The following CRACD variants were observed in gnomAD, a reference collection of about 807,000 sequenced individuals.
CRACD encodes the protein capping protein inhibiting regulator of actin dynamics.
CRACD carries 56 observed loss-of-function variants against 106.8 expected under a neutral mutation model. The ratio of observed to expected loss-of-function variants is 0.52; its 90% CI spans 0.42 to 0.66. The LOEUF is 0.66. Among genes scored for constraint, CRACD ranks in the 30% least tolerant of loss-of-function variants. The pLI is 0.00. For missense variants in CRACD, 1,730 were observed against 1,623.2 expected, an observed-to-expected ratio of 1.07 and a Z score of -1.13; for synonymous variants, 754 against 670.8, an observed-to-expected ratio of 1.12 and a Z score of -1.92.
chr4:56,100,233 A>G (rs1033892077), intron 1 of CRACD, among the ~76,000 whole-genome samples: 2 of 151,656 alleles, frequency 1.3e-5, no homozygotes, highest in Non-Finnish European at 2.9e-5. Context: ...ACAGAGCAAG[A>G]CTCCATCTTG....
chr4:56,103,836 A>C (rs982380362), intron 1 of CRACD, among the ~76,000 whole-genome samples: 5 of 152,212 alleles, frequency 3.3e-5, no homozygotes, highest in African/African-American at 1.2e-4. Flanking sequence ...GCTGGAGTGC[A>C]ATGGCACAAT....
intron 2 of CRACD, among the ~76,000 whole-genome samples, chr4:56,181,394 C>T (rs1489387189): frequency 6.6e-6 from 1 of 152,154 alleles, no homozygotes; most frequent in African/African-American, 2.4e-5. Context: ...GGTTGATCCA[C>T]AGGAAATGAT....
intron 1 of CRACD, among the ~76,000 whole-genome samples, chr4:56,167,813 A>G (rs1736207163): frequency 6.6e-6 from 1 of 152,218 alleles, no homozygotes; most frequent in Non-Finnish European, 1.5e-5. Context: ...CAGTAATATT[A>G]TTCAGCCTTA....
intron 2 of CRACD, among the ~76,000 whole-genome samples, chr4:56,223,283 GT>G (rs1739143530): frequency 1.3e-5 from 2 of 151,242 alleles, no homozygotes; most frequent in Non-Finnish European, 2.9e-5. Context: ...CACAGTCTGG[GT>G]TTTGCTAGTT....
chr4:56,147,575 G>C (rs542184240), intron 1 of CRACD, among the ~76,000 whole-genome samples: 5 of 152,264 alleles, frequency 3.3e-5, no homozygotes, highest in Non-Finnish European at 7.4e-5. Flanking sequence ...TGTTTTCAAG[G>C]TTTATCAGTG....
Position 56,184,581 on chromosome 4 carries a change from C to T in CRACD, c.-189+5151C>T, listed in dbSNP as rs117125855. ...CCTTTTGGTTATCTAGCTGGCACTT[C>T]GTAGCTGCAGATAAATAGTTGCTGC... On this transcript the variant is annotated intron_variant, in intron 2 of 10. Coordinates refer to ENST00000682029, the MANE Select transcript of CRACD (RefSeq NM_001393381.1). 1.1e-4 allele frequency among the ~76,000 whole-genome samples: 17 copies of T among 152,304 alleles called. No individual in the cohort carries two copies. The East Asian group carries it at 2.5e-3, about 22-fold the overall frequency.
chr4:56,314,801 G>A lies in CRACD; in HGVS notation c.1299G>A (p.Gln433=), dbSNP rs1272676233. 6.2e-7 allele frequency: 1 copy of A among 1,604,380 alleles called. No homozygotes were observed. The highest frequency in any genetic ancestry group is 1.1e-5 in the South Asian group (1 of 88,806). ...LNDFEERLED[Q]ERLKPEGQRE... ...ACTTTGAGGAGAGGCTCGAAGACCA[G>A]GAACGCCTGAAACCCGAAGGACAAA... Residue 433 remains glutamine, a synonymous_variant, in exon 8 of 11, where the codon CAG becomes CAA. Coordinates refer to ENST00000682029, the MANE Select transcript of CRACD (RefSeq NM_001393381.1). This position sits in a 1 kb window ranked among gnomAD's most constrained non-coding sequence, Gnocchi z 4.4.
At chr4:56,076,520 C>T (rs533649648) in intron 1 of CRACD, among the ~76,000 whole-genome samples, 2 of 152,298 alleles carry the variant, frequency 1.3e-5, no homozygotes. Context: ...ATTTACCCTT[C>T]CACATCAACA....
At chr4:56,141,507 G>GA (rs1321532880) in intron 1 of CRACD, among the ~76,000 whole-genome samples, 4 of 151,818 alleles carry the variant, frequency 2.6e-5, no homozygotes, top group African/African-American at 9.7e-5. Context: ...TGAAGTAGGA[G>GA]AATCACTTGA....
At chr4:56,212,558 A>G (rs1489143318) in intron 2 of CRACD, among the ~76,000 whole-genome samples, 2 of 152,180 alleles carry the variant, frequency 1.3e-5, no homozygotes. Flanking sequence ...TTCCAGTAAC[A>G]CTTCCACATG....
chr4:56,320,157 A>AG (rs397704250), intron 8 of CRACD, among the ~76,000 whole-genome samples: 1 of 151,714 alleles, frequency 6.6e-6, no homozygotes, highest in African/African-American at 2.4e-5. Context: ...AAAAAAAAAA[A>AG]CAAACCTTTC....
At chr4:56,318,889 A>G (rs1473883732) in intron 8 of CRACD, among the ~76,000 whole-genome samples, 4 of 152,204 alleles carry the variant, frequency 2.6e-5, no homozygotes, top group African/African-American at 9.6e-5. Flanking sequence ...ACTTACACTT[A>G]ACAACAGTGG....
rs1344458249 is a variant in CRACD at position 56,316,510 on chromosome 4, C to A, written c.3008C>A (p.Pro1003Gln). 6.2e-7 allele frequency: 1 copy of A among 1,613,690 alleles called. No individual in the cohort carries two copies. Among genetic ancestry groups the A allele is most frequent in the Non-Finnish European group, 8.5e-7 (1 of 1,179,776 alleles). ...AGRPDPEPSE[P>Q]SKEDQESSDR... ...AGGCCGGACCCAGAGCCAAGTGAGC[C>A]GTCCAAGGAGGACCAGGAGAGCAGT... The change falls in exon 8 of 11, where the codon CCG (proline) becomes CAG (glutamine). Residue 1003 changes from proline (P) to glutamine (Q), a missense_variant. This residue lies in a region of CRACD where 1,620 missense variants were observed against 1,481.6 expected (regional missense o/e 1.09). Coordinates refer to ENST00000682029, the MANE Select transcript of CRACD (RefSeq NM_001393381.1).
intron 10 of CRACD, among the ~76,000 whole-genome samples, chr4:56,325,626 T>G (rs1188975319): frequency 1.3e-5 from 2 of 152,230 alleles, no homozygotes; most frequent in Non-Finnish European, 1.5e-5. Context: ...TTAGAAAATA[T>G]TCTTTATTTG....
chr4:56,231,051 A>C (rs1375329854), intron 2 of CRACD, among the ~76,000 whole-genome samples: 1 of 116,486 alleles, frequency 8.6e-6, no homozygotes, highest in Non-Finnish European at 1.8e-5. Context: ...AAAAGTAAAA[A>C]ACAAAACAAA....
chr4:56,117,317 G>A (rs905892382), intron 1 of CRACD, among the ~76,000 whole-genome samples: 1 of 152,060 alleles, frequency 6.6e-6, no homozygotes, highest in Non-Finnish European at 1.5e-5. Flanking sequence ...CTCCGTGCCC[G>A]GCCCGAATTT....
intron 1 of CRACD, among the ~76,000 whole-genome samples, chr4:56,107,794 A>G (rs1733997327): frequency 6.6e-6 from 1 of 152,198 alleles, no homozygotes; most frequent in Admixed American, 6.5e-5. Context: ...AGGAAATGCT[A>G]CAGGTTGTGG....
In CRACD at chr4:56,327,677, T is replaced by C; in HGVS notation, c.3575T>C (p.Leu1192Pro). The C allele has an allele frequency of 6.2e-7, 1 of 1,608,016 alleles. No individual in the cohort carries two copies. The highest frequency in any genetic ancestry group is 8.5e-7 in the Non-Finnish European group (1 of 1,177,308). ...TCCGACTCGGCTCCCCCAGCGCCGC[T>C]GGTAAAAGAAGTCACCAAGAGGTTT... ...EISDSAPPAP[L>P]VKEVTKRFST... Residue 1192 changes from leucine to proline, a missense_variant, in exon 11 of 11, where the codon CTG becomes CCG. Around this residue, in one of 5 missense-constraint regions of CRACD, gnomAD observed 89 missense variants for 89.6 expected, o/e 0.99. Coordinates refer to ENST00000682029, the MANE Select transcript of CRACD (RefSeq NM_001393381.1).
rs566489300 is a variant in CRACD at position 56,087,102 on chromosome 4, C to T, written c.-336+37803C>T. Among the ~76,000 whole-genome samples the T allele has an allele frequency of 7.0e-4, 106 of 152,226 alleles. 2 individuals are homozygous for T. In the South Asian group the frequency reaches 0.02, roughly 28 times the overall value. ...TCTGGACTCACTACAACCTCCGCCT[C>T]CCGGGTTTAAGCAACTCTCCCTGCC... On this transcript the variant is annotated intron_variant, in intron 1 of 10. Transcript: ENST00000682029.
Sources: gnomAD v4.1 joint callset for allele counts (sites outside exome capture counted in the v4.1 genomes callset) on GRCh38, gnomAD v4.1.1 for gene constraint, gnomAD v4.1.1 regional missense constraint, Gnocchi (gnomAD v3.1) non-coding constraint, MANE v1.5 for transcripts, NCBI Gene and HGNC (gene_info 2026-07-23, HGNC 2026-07-21) for gene names.